The following PRG2 variants were observed in gnomAD, a reference collection of about 807,000 sequenced individuals.
PRG2 encodes bone marrow proteoglycan.
In PRG2, 23 loss-of-function variants were observed where a neutral mutation model predicts 24.7. That is an observed-to-expected ratio of 0.93 (90% confidence interval 0.67 to 1.32). PRG2 has a LOEUF of 1.32. Among genes scored for constraint, PRG2 ranks in the 40% most tolerant of loss-of-function variants. PRG2 has a pLI of 0.00. For synonymous variants in PRG2, 104 were observed against 99.8 expected (o/e 1.04, Z -0.25); for missense variants, 271 against 280.9 (o/e 0.96, Z 0.25).
rs368418340 is a variant in PRG2 at position 57,387,428 on chromosome 11, G to A, written c.*47C>T. 4 of 1,516,534 alleles carry A rather than the reference G, an allele frequency of 2.6e-6. No individual in the cohort carries two copies. The highest frequency in any genetic ancestry group is 2.3e-5 in the East Asian group (1 of 44,038). 93.9% of individuals were successfully genotyped at this position (1,516,534 alleles called of 1,614,324 possible). ...AGGGATGGCAAGCAGAGGAGGGGAG[G>A]CAGCTGCCCAGGAGAGGGCAGCTCT... On this transcript the variant is annotated 3_prime_UTR_variant, in exon 6 of 6. Coordinates refer to ENST00000311862, the MANE Select transcript of PRG2 (RefSeq NM_002728.6).
At chr11:57,387,554 G>C (rs537148351) in intron 5 of PRG2, 21 bp from the exon 6 acceptor site, 2 of 1,608,122 alleles carry the variant, frequency 1.2e-6, no homozygotes, top group African/African-American at 1.3e-5. Context: ...AGAACAGAAA[G>C]GGACTTTCAG....
intron 5 of PRG2, 106 bp downstream of exon 5, chr11:57,387,648 C>T (rs983771439): frequency 6.9e-5 from 94 of 1,371,706 alleles, no homozygotes; most frequent in Non-Finnish European, 9.0e-5. Context: ...TATAAAAGAC[C>T]CAGGAAGCCT....
chr11:57,387,933 A>G, intron 4 of PRG2, 68 bp from the exon 5 acceptor site: 3 of 1,180,796 alleles, frequency 2.5e-6, no homozygotes, highest in Non-Finnish European at 3.6e-6. Flanking sequence ...CTGGCCCCGT[A>G]TCTGCCAGCT....
In PRG2 at chr11:57,389,068, C is replaced by T. The variant is rs760095676; in HGVS notation, c.308G>A (p.Gly103Glu). Residue 103 changes from glycine (G) to glutamate (E), a missense_variant, in exon 3 of 6, where the codon GGG becomes GAG. Transcript: ENST00000311862. Reference protein sequence around the residue: ...EDTVKVVGIPGCQTCRYLLVR... With the variant: ...EDTVKVVGIPECQTCRYLLVR... ...CAGGAGGTAGCGGCAGGTCTGGCAC[C>T]CAGGGATGCCCACCACTTTTACTGT... 8 of 1,614,210 alleles carry T rather than the reference C, an allele frequency of 5.0e-6. No homozygotes were observed. The highest frequency in any genetic ancestry group is 4.5e-5 in the East Asian group (2 of 44,888).
chr11:57,390,568 G>C, intron 1 of PRG2, 28 bp downstream of exon 1: 1 of 984,428 alleles, frequency 1.0e-6, no homozygotes, highest in Non-Finnish European at 1.2e-6. Context: ...ACTGTCACCA[G>C]CTCCACCACA....
intron 4 of PRG2, among the ~76,000 whole-genome samples, chr11:57,388,333 C>G (rs1197248855): frequency 3.3e-5 from 5 of 152,008 alleles, no homozygotes; most frequent in Non-Finnish European, 7.4e-5. Flanking sequence ...CACCACCATG[C>G]CCAGCTAACT....
intron 2 of PRG2, 94 bp downstream of exon 2, chr11:57,389,793 G>T: frequency 1.8e-6 from 2 of 1,142,276 alleles, no homozygotes; most frequent in South Asian, 1.5e-5. Flanking sequence ...AATAGAAGAC[G>T]ATCAAAGAAG....
At chr11:57,388,903 C>T (rs1420919028) in intron 3 of PRG2, 107 bp downstream of exon 3, 24 of 1,470,450 alleles carry the variant, frequency 1.6e-5, no homozygotes, top group Non-Finnish European at 2.2e-5. Flanking sequence ...GTTCTACTGA[C>T]ACCCCCAGGG....
In PRG2 at chr11:57,387,838, C is replaced by T; in HGVS notation, c.526G>A (p.Asp176Asn). ...SGRCRRFQWVDGSRWNFAYWA... is the reference protein window; with the variant it reads ...SGRCRRFQWVNGSRWNFAYWA... ...TATGCAAAGTTCCAGCGGCTGCCGT[C>T]AACCCACTGAAAGCGTCTGCAGCGA... The change falls in exon 5 of 6, where the codon GAC becomes AAC. Residue 176 changes from aspartate to asparagine, a missense_variant. Transcript: ENST00000311862. The T allele has an allele frequency of 6.3e-7, 1 of 1,578,088 alleles. No individual in the cohort carries two copies. Among genetic ancestry groups the T allele is most frequent in the South Asian group, 1.2e-5 (1 of 85,936 alleles).
chr11:57,390,434 A>G, intron 1 of PRG2, 162 bp downstream of exon 1: 1 of 249,500 alleles, frequency 4.0e-6, no homozygotes, highest in Non-Finnish European at 6.4e-6. Context: ...CCGCAGAAGG[A>G]ATGTGCAAGG....
chr11:57,387,398 G>T lies in PRG2; in HGVS notation c.*77C>A. 7.8e-7 allele frequency: 1 copy of T among 1,274,410 alleles called. No homozygotes were observed. The highest frequency in any genetic ancestry group is 1.1e-6 in the Non-Finnish European group (1 of 894,976). The allele number at this position is 1,274,410 out of a possible 1,614,324, so 78.9% of individuals were successfully genotyped here. A position where few individuals can be genotyped will look rare whatever the true frequency, so the allele number is the denominator to read the frequency against. ...AAACCCATTTTATTGCAGGGAGGTG[G>T]AGGGAGGGATGGCAAGCAGAGGAGG... On this transcript the variant is annotated 3_prime_UTR_variant, in exon 6 of 6. Coordinates refer to ENST00000311862, the MANE Select transcript of PRG2 (RefSeq NM_002728.6).
intron 5 of PRG2, 106 bp downstream of exon 5, chr11:57,387,648 C>G: frequency 1.5e-6 from 2 of 1,371,826 alleles, no homozygotes; most frequent in Non-Finnish European, 2.0e-6. Context: ...TATAAAAGAC[C>G]CAGGAAGCCT....
rs376124419 is a variant in PRG2 at position 57,387,449 on chromosome 11, G to C, written c.*26C>G. ...GGAGGCAGCTGCCCAGGAGAGGGCA[G>C]CTCTGAACTGCTGGCTGGGACCAGC... On this transcript the variant is annotated 3_prime_UTR_variant, in exon 6 of 6. Transcript: ENST00000311862. The C allele has an allele frequency of 7.5e-6, 12 of 1,609,996 alleles. No homozygotes were observed. The African/African-American group carries it at 1.5e-4, about 20-fold the overall frequency.
chr11:57,389,158 G>A lies in PRG2; in HGVS notation c.218C>T (p.Ala73Val). 1.2e-6 allele frequency: 2 copies of A among 1,614,182 alleles called. No homozygotes were observed. Among genetic ancestry groups the A allele is most frequent in the Non-Finnish European group, 1.7e-6 (2 of 1,180,026 alleles). ...GSEDASKKDG[A>V]VESISVPDMV... is the part of the protein sequence containing the mutation. ...ATCTGGCACTGAGATAGACTCAACA[G>A]CCCCATCTTTCTTGGAGGCATCTTC... The change falls in exon 3 of 6, where the codon GCT (alanine) becomes GTT (valine). Residue 73 changes from alanine (A) to valine (V), a missense_variant. Physicochemically the swap from Ala to Val is moderately conservative, Grantham distance 64 (BLOSUM62 0). Transcript: ENST00000311862.
At chr11:57,388,732 A>T in intron 3 of PRG2, 24 bp from the exon 4 acceptor site, 1 of 1,611,686 alleles carries the variant, frequency 6.2e-7, no homozygotes, top group Non-Finnish European at 8.5e-7. Context: ...TAAAAGACAA[A>T]GAATGGAGCA....
At chr11:57,390,011 A>G in intron 1 of PRG2, 55 bp from the exon 2 acceptor site, 1 of 1,408,694 alleles carries the variant, frequency 7.1e-7, no homozygotes. Flanking sequence ...ATGCACACAC[A>G]TCACAATCAC....
rs369365761 is a variant in PRG2 at position 57,388,624 on chromosome 11, C to T, written c.451G>A (p.Ala151Thr). The change falls in exon 4 of 6, where the codon GCG becomes ACG. Residue 151 changes from alanine (A) to threonine (T), a missense_variant. By Grantham distance (58) the Ala-to-Thr change is moderately conservative. Transcript: ENST00000311862. Reference sequence around the variant, plus strand: ...ATCCAGACTTGACCCTGGTTGAGCGCGCTGACAGAACACTGGATTCGATAA... The same window carrying T: ...ATCCAGACTTGACCCTGGTTGAGCGTGCTGACAGAACACTGGATTCGATAA... ...INYRIQCSVS[A>T]LNQGQVWIGG... The T allele has an allele frequency of 4.2e-5, 68 of 1,613,994 alleles. 1 individual carries two copies. The highest frequency in any genetic ancestry group is 3.3e-4 in the Middle Eastern group (2 of 6,058).
rs1469295965 is a variant in PRG2, at chr11:57,388,719, G to A, written c.367-11C>T. ...CCTCCGGCAAGTAAACTACAGGGCA[G>A]GATAAAAGACAAAGAATGGAGCATC... On this transcript the variant is annotated splice_polypyrimidine_tract_variant and intron_variant, in intron 3 of 5. Transcript: ENST00000311862. 6.2e-7 allele frequency: 1 copy of A among 1,613,196 alleles called. No homozygotes were observed. The highest frequency in any genetic ancestry group is 8.5e-7 in the Non-Finnish European group (1 of 1,179,334).
chr11:57,387,612 C>G, intron 5 of PRG2, 79 bp from the exon 6 acceptor site: 1 of 1,456,364 alleles, frequency 6.9e-7, no homozygotes, highest in South Asian at 1.2e-5. Flanking sequence ...CTTTTCCCAC[C>G]CACACACTGC....
Sources: gnomAD v4.1 joint callset for allele counts (sites outside exome capture counted in the v4.1 genomes callset) on GRCh38, gnomAD v4.1.1 for gene constraint, MANE v1.5 for transcripts, NCBI Gene and HGNC (gene_info 2026-07-23, HGNC 2026-07-21) for gene names.